Variants in DUOXA2 observed in about 807,000 individuals in gnomAD.
The protein encoded by DUOXA2 is dual oxidase maturation factor 2.
In DUOXA2, 22 loss-of-function variants were observed where a neutral mutation model predicts 27.6. The ratio of observed to expected loss-of-function variants is 0.80; its 90% CI spans 0.57 to 1.14. The LOEUF is 1.14. Among genes scored for constraint, DUOXA2 ranks in the 50% most tolerant of loss-of-function variants. The pLI, the probability that DUOXA2 is intolerant of heterozygous loss-of-function variation, is 0.00. For missense variants in DUOXA2, 481 were observed against 419.9 expected, an observed-to-expected ratio of 1.15 and a Z score of -1.27; for synonymous variants, 188 against 184.4, an observed-to-expected ratio of 1.02 and a Z score of -0.16.
In DUOXA2 at chr15:45,115,843, C is replaced by A. The variant is rs369628826; in HGVS notation, c.192C>A (p.Gly64=). The stretch of plus-strand genomic sequence containing the variant: ...GAGTTCTTCTCAGTCTGTTCATAGG[C>A]GCAGAAATTGTGGGTGAGTGTGTGG... ...LVRVLLSLFI[G]AEIVAVHFSA... is the part of the protein sequence containing the mutation. The change falls in exon 2 of 6, where the codon GGC becomes GGA. Residue 64 remains glycine, a synonymous_variant. Transcript: ENST00000323030. 9 of 1,613,952 alleles carry A rather than the reference C, an allele frequency of 5.6e-6. No individual in the cohort carries two copies. The highest frequency in any genetic ancestry group is 7.6e-6 in the Non-Finnish European group (9 of 1,179,996).
chr15:45,115,976 C>A, intron 2 of DUOXA2, 120 bp downstream of exon 2: 1 of 1,586,656 alleles, frequency 6.3e-7, no homozygotes, highest in South Asian at 1.1e-5. Context: ...CTCTCCAGCT[C>A]CTTCTAGGGC....
rs1041455528 is a variant in DUOXA2 at position 45,117,071 on chromosome 15, G to T, written c.555-20G>T. The T allele has an allele frequency of 1.9e-6, 3 of 1,596,518 alleles. No homozygotes were observed. Among genetic ancestry groups the T allele is most frequent in the Non-Finnish European group, 2.5e-6 (3 of 1,179,240 alleles). On this transcript the variant is annotated intron_variant, in intron 4 of 5. Coordinates refer to ENST00000323030, the MANE Select transcript of DUOXA2 (RefSeq NM_207581.4). ...GCTGGGAGAAGCCCGCTCACAGCGG[G>T]TCCCCCCACTCCCCGGCAGGGTGGC...
intron 1 of DUOXA2, 153 bp from the exon 2 acceptor site, chr15:45,115,646 A>T: frequency 1.1e-6 from 1 of 900,714 alleles, no homozygotes; most frequent in Non-Finnish European, 1.8e-6. Context: ...CAGAAATGCC[A>T]GTAGCCCAGA....
rs1212899878 is a variant in DUOXA2 at position 45,114,890 on chromosome 15, G to C, written c.147+138G>C. The C allele has an allele frequency of 6.0e-6, 8 of 1,337,812 alleles. No individual in the cohort carries two copies. The East Asian group carries it at 1.9e-4, about 31-fold the overall frequency. The allele number at this position is 1,337,812 out of a possible 1,614,324, so 82.9% of individuals were successfully genotyped here. ...TGAGGCTCAGGTGGAGTGAAGTCAG[G>C]AGTCTGGTGCAGCAAGCACCCCTTT... On this transcript the variant is annotated intron_variant, in intron 1 of 5. Coordinates refer to ENST00000323030, the MANE Select transcript of DUOXA2 (RefSeq NM_207581.4).
rs1894699943 is a variant in DUOXA2, at chr15:45,117,293, A to G, written c.757A>G (p.Thr253Ala). The change falls in exon 5 of 6, where the codon ACG becomes GCG. Residue 253 changes from threonine to alanine, a missense_variant. Transcript: ENST00000323030. ...TTQYGAAFWVTLATGVLCLFL... is the reference protein window; with the variant it reads ...TTQYGAAFWVALATGVLCLFL... ...TCAGTACGGCGCCGCCTTCTGGGTC[A>G]CGCTGGCAACCGGTGAGGACCGAGA... The G allele has an allele frequency of 6.3e-7, 1 of 1,597,164 alleles. No individual in the cohort carries two copies. The highest frequency in any genetic ancestry group is 8.5e-7 in the Non-Finnish European group (1 of 1,169,698).
chr15:45,118,091 T>C lies in DUOXA2; in HGVS notation c.*182T>C, dbSNP rs954447259. On this transcript the variant is annotated 3_prime_UTR_variant, in exon 6 of 6. Transcript: ENST00000323030. ...CGATCTGTAAATAAACCTTTTTTTC[T>C]TTTGTTTTTTAAAAACTGTTTTTCC... 1 of 1,511,130 alleles carries C rather than the reference T, an allele frequency of 6.6e-7. No homozygotes were observed. Among genetic ancestry groups the C allele is most frequent in the South Asian group, 1.3e-5 (1 of 77,064 alleles). 93.6% of individuals were successfully genotyped at this position (1,511,130 alleles called of 1,614,324 possible).
At chr15:45,115,778 C>T in intron 1 of DUOXA2, 21 bp from the exon 2 acceptor site, 1 of 1,614,064 alleles carries the variant, frequency 6.2e-7, no homozygotes. Flanking sequence ...TCAGGCCTGA[C>T]CCGGGTGCCT....
At position 45,116,587 on chromosome 15, in the gene DUOXA2, T is replaced by C. The variant is rs780066636; in HGVS notation, c.412T>C (p.Tyr138His). The change falls in exon 4 of 6, where the codon TAC becomes CAC. Residue 138 changes from tyrosine (Y) to histidine (H), a missense_variant. By Grantham distance (83) the Tyr-to-His change is moderately conservative. Transcript: ENST00000323030. Reference sequence around the variant, plus strand: ...GTTCACCTGGCGTCTGAAAGAGAATTACGCCGCGGAGTACGCGAACGCACT... The same window carrying C: ...GTTCACCTGGCGTCTGAAAGAGAATCACGCCGCGGAGTACGCGAACGCACT... ...EQFTWRLKEN[Y>H]AAEYANALEK... 2.4e-5 allele frequency: 38 copies of C among 1,613,946 alleles called. No individual in the cohort carries two copies. The South Asian group carries it at 4.0e-4, about 17-fold the overall frequency.
At position 45,118,062 on chromosome 15, in the gene DUOXA2, G is replaced by T. The variant is rs1209276593; in HGVS notation, c.*153G>T. Reference sequence around the variant, plus strand: ...CCGCAGGCACCAGGGAAAGTCTCCTGGGGCGATCTGTAAATAAACCTTTTT... The same window carrying T: ...CCGCAGGCACCAGGGAAAGTCTCCTTGGGCGATCTGTAAATAAACCTTTTT... On this transcript the variant is annotated 3_prime_UTR_variant, in exon 6 of 6. Transcript: ENST00000323030. 1 of 1,555,384 alleles carries T rather than the reference G, an allele frequency of 6.4e-7. No individual in the cohort carries two copies. The highest frequency in any genetic ancestry group is 2.1e-5 in the Admixed American group (1 of 47,554).
chr15:45,116,455 A>G lies in DUOXA2; in HGVS notation c.341-61A>G. On this transcript the variant is annotated intron_variant, in intron 3 of 5. Coordinates refer to ENST00000323030, the MANE Select transcript of DUOXA2 (RefSeq NM_207581.4). ...GCCACACCCCCACTTTCCTGTCTGA[A>G]TCCGCTTAGTTGCGAGGTCTCCGAC... 3 of 1,598,516 alleles carry G rather than the reference A, an allele frequency of 1.9e-6. No individual in the cohort carries two copies. The South Asian group carries it at 3.3e-5, about 18-fold the overall frequency.
chr15:45,114,668 C>T lies in DUOXA2; in HGVS notation c.63C>T (p.Ser21=), dbSNP rs762580803. The T allele has an allele frequency of 6.2e-7, 1 of 1,614,236 alleles. No individual in the cohort carries two copies. The highest frequency in any genetic ancestry group is 8.5e-7 in the Non-Finnish European group (1 of 1,180,042). The change falls in exon 1 of 6, where the codon AGC becomes AGT. Residue 21 remains serine, a synonymous_variant. Coordinates refer to ENST00000323030, the MANE Select transcript of DUOXA2 (RefSeq NM_207581.4). ...YPQPRHAAGF[S]VPLLIVILVF... ...AGCCCCGGCATGCCGCAGGCTTCAG[C>T]GTTCCACTGCTCATCGTTATTCTAG...
At position 45,116,702 on chromosome 15, in the gene DUOXA2, C is replaced by T. The variant is rs1273635243; in HGVS notation, c.527C>T (p.Ala176Val). ...GGCCTGTACCACCAGTACCACCTGGCGGGACACTACGCCTCGGCCACGCTA... is the reference window on the plus strand; with the variant it reads ...GGCCTGTACCACCAGTACCACCTGGTGGGACACTACGCCTCGGCCACGCTA... Reference protein sequence around the residue: ...PCGLYHQYHLAGHYASATLWV... With the variant: ...PCGLYHQYHLVGHYASATLWV... The change falls in exon 4 of 6, where the codon GCG becomes GTG. Residue 176 changes from alanine (A) to valine (V), a missense_variant. Transcript: ENST00000323030. The T allele has an allele frequency of 6.8e-6, 11 of 1,613,478 alleles. No homozygotes were observed. Among genetic ancestry groups the T allele is most frequent in the Admixed American group, 1.7e-5 (1 of 60,010 alleles).
At chr15:45,115,668 GA>G in intron 1 of DUOXA2, 130 bp from the exon 2 acceptor site, 3 of 1,108,202 alleles carry the variant, frequency 2.7e-6, no homozygotes, top group Non-Finnish European at 4.1e-6. Flanking sequence ...GGACTTGCAG[GA>G]AAAGCGTGCC....
In DUOXA2 at chr15:45,118,278, C is replaced by G. The variant is rs1204014193; in HGVS notation, c.*369C>G. ...CTCTAGTGAGGCCGGAGGGACCCTA[C>G]CAGAGCTAGCATCTTTCTGAACCAC... On this transcript the variant is annotated 3_prime_UTR_variant, in exon 6 of 6. Transcript: ENST00000323030. 8 of 1,358,074 alleles carry G rather than the reference C, an allele frequency of 5.9e-6. No homozygotes were observed. Among genetic ancestry groups the G allele is most frequent in the Non-Finnish European group, 7.5e-6 (8 of 1,060,682 alleles). 84.1% of individuals were successfully genotyped at this position (1,358,074 alleles called of 1,614,324 possible). A position where few individuals can be genotyped will look rare whatever the true frequency, so the allele number is the denominator to read the frequency against.
In DUOXA2 at chr15:45,117,844, C is replaced by T. The variant is rs780963242; in HGVS notation, c.898C>T (p.Leu300Phe). 18 of 1,613,800 alleles carry T rather than the reference C, an allele frequency of 1.1e-5. No homozygotes were observed. The South Asian group carries it at 1.8e-4, about 16-fold the overall frequency. Reference protein sequence around the residue: ...SQERGGSPLILGDPLHKQAAL... With the variant: ...SQERGGSPLIFGDPLHKQAAL... Reference sequence around the variant, plus strand: ...GGAGAGAGGGGGCTCACCTCTTATCCTCGGCGACCCACTGCACAAGCAGGC... The same window carrying T: ...GGAGAGAGGGGGCTCACCTCTTATCTTCGGCGACCCACTGCACAAGCAGGC... The change falls in exon 6 of 6, where the codon CTC (leucine) becomes TTC (phenylalanine). Residue 300 changes from leucine to phenylalanine, a missense_variant. Transcript: ENST00000323030.
chr15:45,118,363 C>T lies in DUOXA2; in HGVS notation c.*454C>T. 8.8e-7 allele frequency: 1 copy of T among 1,141,098 alleles called. No homozygotes were observed. The highest frequency in any genetic ancestry group is 3.4e-5 in the South Asian group (1 of 29,428). The allele number at this position is 1,141,098 out of a possible 1,614,324, so 70.7% of individuals were successfully genotyped here. ...GTCACCCACTCCCCCGTCCTGGATG[C>T]CACTCAGCTAGCCCAGCTGAGTGGG... On this transcript the variant is annotated 3_prime_UTR_variant, in exon 6 of 6. Transcript: ENST00000323030.
intron 5 of DUOXA2, 100 bp from the exon 6 acceptor site, chr15:45,117,616 C>A: frequency 6.2e-7 from 1 of 1,613,468 alleles, no homozygotes; most frequent in South Asian, 1.1e-5. Context: ...TTTGGGAGGT[C>A]GAGGCAGGAA....
intron 1 of DUOXA2, 126 bp from the exon 2 acceptor site, chr15:45,115,673 G>T: frequency 8.8e-7 from 1 of 1,137,478 alleles, no homozygotes; most frequent in South Asian, 1.3e-5. Flanking sequence ...TGCAGGAAAA[G>T]CGTGCCTAAC....
Position 45,116,602 on chromosome 15 carries a change from G to A in DUOXA2, c.427G>A (p.Ala143Thr). 1 of 1,614,046 alleles carries A rather than the reference G, an allele frequency of 6.2e-7. No individual in the cohort carries two copies. The highest frequency in any genetic ancestry group is 1.3e-5 in the African/African-American group (1 of 75,074). The change falls in exon 4 of 6, where the codon GCG becomes ACG. Residue 143 changes from alanine to threonine, a missense_variant. Coordinates refer to ENST00000323030, the MANE Select transcript of DUOXA2 (RefSeq NM_207581.4). ...GAAAGAGAATTACGCCGCGGAGTAC[G>A]CGAACGCACTGGAGAAGGGGCTGCC... ...RLKENYAAEY[A>T]NALEKGLPDP...
Sources: gnomAD v4.1 joint callset for allele counts on GRCh38, gnomAD v4.1.1 for gene constraint, MANE v1.5 for transcripts, NCBI Gene and HGNC (gene_info 2026-07-23, HGNC 2026-07-21) for gene names.